The following WWP2 variants were observed in gnomAD, a reference collection of about 807,000 sequenced individuals.
The protein encoded by WWP2 is NEDD4-like E3 ubiquitin-protein ligase WWP2.
In WWP2, 57 loss-of-function variants were observed where a neutral mutation model predicts 121.0. The ratio of observed to expected loss-of-function variants is 0.47; its 90% confidence interval spans 0.38 to 0.59. The LOEUF (loss-of-function observed/expected upper bound fraction) is 0.59, where lower values mean the gene tolerates loss of function less well. Among genes scored for constraint, WWP2 ranks in the 20% least tolerant of loss-of-function variants. The probability of loss-of-function intolerance (pLI) is 0.00; values close to 1 mark genes in which losing one functional copy is unlikely to be tolerated. For synonymous variants in WWP2, 449 were observed against 441.3 expected (o/e 1.02, Z -0.22); for missense variants, 962 against 1,158.9 (o/e 0.83, Z 2.47).
At chr16:69,784,300 A>G (rs898917148) in intron 1 of WWP2, among the ~76,000 whole-genome samples, 12 of 151,946 alleles carry the variant, frequency 7.9e-5, no homozygotes, top group African/African-American at 2.9e-4. Flanking sequence ...AGGTTTCACC[A>G]TGTTGGTCAG....
chr16:69,839,973 T>C (rs956880824), intron 4 of WWP2, among the ~76,000 whole-genome samples, 153 bp from the exon 5 acceptor site: 6 of 152,240 alleles, frequency 3.9e-5, no homozygotes, highest in African/African-American at 1.4e-4. Context: ...TCCTTCCCAC[T>C]CTTTTTTCCA....
intron 10 of WWP2, among the ~76,000 whole-genome samples, chr16:69,924,593 G>A (rs1028309113): frequency 6.6e-6 from 1 of 151,840 alleles, no homozygotes; most frequent in Non-Finnish European, 1.5e-5. Context: ...GAGGGGGTGT[G>A]GGGGGGATTC....
intron 1 of WWP2, among the ~76,000 whole-genome samples, chr16:69,773,086 C>T (rs1475703666): frequency 6.6e-6 from 1 of 152,090 alleles, no homozygotes; most frequent in Non-Finnish European, 1.5e-5. Flanking sequence ...GAACTGGCCT[C>T]TGGGAAGACG....
At chr16:69,917,481 T>A in intron 9 of WWP2, 1 of 450,936 alleles carries the variant, frequency 2.2e-6, no homozygotes, top group East Asian at 3.4e-5. Context: ...GGGAACAGAG[T>A]CAGCTTCCCC....
intron 6 of WWP2, among the ~76,000 whole-genome samples, chr16:69,847,895 G>T (rs556002744): frequency 6.6e-6 from 1 of 152,064 alleles, no homozygotes; most frequent in African/African-American, 2.4e-5. Context: ...GGGACAAACT[G>T]CATCCAAACC....
intron 11 of WWP2, among the ~76,000 whole-genome samples, chr16:69,929,155 C>T (rs2058677200): frequency 6.6e-6 from 1 of 152,134 alleles, no homozygotes; most frequent in South Asian, 2.1e-4. Context: ...AGCTGTGCTG[C>T]TCCCTCTGGG....
intron 1 of WWP2, among the ~76,000 whole-genome samples, chr16:69,772,868 T>C (rs2055445857): frequency 6.6e-6 from 1 of 152,038 alleles, no homozygotes; most frequent in African/African-American, 2.4e-5. Context: ...TGTTGACCTC[T>C]CTTGTGGGCA....
intron 4 of WWP2, among the ~76,000 whole-genome samples, chr16:69,824,856 C>T (rs563957156): frequency 0.01 from 1,048 of 101,496 alleles, 13 homozygotes; most frequent in Admixed American, 0.016. Context: ...CTGCAGCCTC[C>T]ACCTCCCGGG....
chr16:69,925,537 C>G lies in WWP2; in HGVS notation c.1234+53C>G. 1 of 1,599,494 alleles carries G rather than the reference C, an allele frequency of 6.3e-7. No individual in the cohort carries two copies. The highest frequency in any genetic ancestry group is 8.5e-7 in the Non-Finnish European group (1 of 1,171,686). ...TTGGCCTTCCGTCAGCCACGGTGCT[C>G]TGTCCTCTCCTCCCGCGTGTCTTCC... On this transcript the variant is annotated intron_variant, in intron 11 of 23. Transcript: ENST00000359154. The surrounding 1 kb of genome is among the most constrained non-coding windows in gnomAD (Gnocchi z 4.0).
chr16:69,891,005 A>G (rs758717332), intron 8 of WWP2: 2 of 152,114 alleles, frequency 1.3e-5, no homozygotes, highest in African/African-American at 2.4e-5. Flanking sequence ...CGGAGACCCA[A>G]TTTTCCAACC....
At chr16:69,769,399 G>C (rs888417404) in intron 1 of WWP2, among the ~76,000 whole-genome samples, 9 of 151,752 alleles carry the variant, frequency 5.9e-5, no homozygotes, top group Non-Finnish European at 7.4e-5. Context: ...TCTACAGCTG[G>C]TTAATTAGAA....
intron 7 of WWP2, among the ~76,000 whole-genome samples, chr16:69,872,461 C>A (rs965337817): frequency 6.6e-6 from 1 of 152,172 alleles, no homozygotes; most frequent in African/African-American, 2.4e-5. Flanking sequence ...TGTGATCGCC[C>A]GTCTTGGCCT....
chr16:69,912,930 AAAAAAAAAAAAAAAAAAAAAAAAAAAT>A (rs2058407697), intron 9 of WWP2, among the ~76,000 whole-genome samples: 3 of 1,064 alleles, frequency 2.8e-3, no homozygotes, highest in African/African-American at 0.014. Context: ...AAACAAAAAA[AAAAAAAAAAAAAAAAAAAAAAAAAAAT>A]ATATATATAT....
intron 8 of WWP2, among the ~76,000 whole-genome samples, chr16:69,892,367 C>G (rs1318653810): frequency 6.6e-6 from 1 of 151,796 alleles, no homozygotes; most frequent in Non-Finnish European, 1.5e-5. Flanking sequence ...CTGACAGGCC[C>G]CGGTGTGTGG....
intron 1 of WWP2, among the ~76,000 whole-genome samples, chr16:69,782,461 A>G (rs1029529830): frequency 3.3e-5 from 5 of 152,194 alleles, no homozygotes; most frequent in African/African-American, 1.2e-4. Context: ...GCTGAGGGAA[A>G]AAAGCAGTTA....
chr16:69,900,185 A>G (rs146429535), intron 8 of WWP2, among the ~76,000 whole-genome samples: 40 of 152,370 alleles, frequency 2.6e-4, no homozygotes, highest in Non-Finnish European at 4.9e-4. Flanking sequence ...GCCATTCACA[A>G]GAAAAATAAT....
chr16:69,826,863 C>T (rs184960442), intron 4 of WWP2, among the ~76,000 whole-genome samples: 26 of 146,630 alleles, frequency 1.8e-4, no homozygotes, highest in Non-Finnish European at 3.0e-4. Flanking sequence ...GGTGTGAACC[C>T]GGTAGGCGGA....
intron 6 of WWP2, among the ~76,000 whole-genome samples, chr16:69,866,968 G>C (rs1324174079): frequency 6.6e-6 from 1 of 152,054 alleles, no homozygotes; most frequent in African/African-American, 2.4e-5. Context: ...CTCCTGAGTA[G>C]CTGGGACTAC....
At chr16:69,882,112 GC>G (rs1282009280) in intron 7 of WWP2, among the ~76,000 whole-genome samples, 25 of 151,756 alleles carry the variant, frequency 1.6e-4, no homozygotes, top group Non-Finnish European at 3.1e-4. Context: ...GAGCCACCGC[GC>G]CCAGCCTAAG....
Sources: allele counts gnomAD v4.1 joint callset (sites outside exome capture counted in the v4.1 genomes callset), GRCh38; gene constraint gnomAD v4.1.1; non-coding constraint Gnocchi (gnomAD v3.1); transcripts MANE v1.5; gene names NCBI Gene and HGNC (gene_info 2026-07-23, HGNC 2026-07-21).